IFT81: variants seen among roughly 807,000 people sequenced by gnomAD.
The protein encoded by IFT81 is intraflagellar transport 81, also known as intraflagellar transport protein 81 homolog.
Under a neutral mutation model 102.6 loss-of-function variants are expected in IFT81, and 72 were observed. The observed-to-expected ratio is 0.70, with a 90% CI of 0.58 to 0.85. The LOEUF (loss-of-function observed/expected upper bound fraction) is 0.85. IFT81 is among the 40% of genes least tolerant of loss of function. The probability of loss-of-function intolerance (pLI) is 0.00; values close to 1 mark genes in which losing one functional copy is unlikely to be tolerated. For missense variants in IFT81, 723 were observed against 787.3 expected (o/e 0.92, Z 0.98); for synonymous variants, 237 against 242.7 (o/e 0.98, Z 0.22).
chr12:110,134,503 A>T (rs2137317006), intron 5 of IFT81, among the ~76,000 whole-genome samples: 1 of 152,372 alleles, frequency 6.6e-6, no homozygotes, highest in South Asian at 2.1e-4. Flanking sequence ...AACTTATGTC[A>T]TGAAAATACC....
At position 110,127,963 on chromosome 12, in the gene IFT81, C is replaced by G. The variant is rs1893943505; in HGVS notation, c.145-83C>G. 3.2e-6 allele frequency: 3 copies of G among 946,992 alleles called. No homozygotes were observed. The African/African-American group carries it at 4.9e-5, about 15-fold the overall frequency. The allele number at this position is 946,992 out of a possible 1,614,324, so 58.7% of individuals were successfully genotyped here. ...AGACCATTGTGCTGTTAAGCTCTAG[C>G]AGAACAATTTTGTCAGTGAGTTTAA... On this transcript the variant is annotated intron_variant, in intron 2 of 18. Transcript: ENST00000242591.
At chr12:110,208,177 A>G (rs1468021278) in intron 17 of IFT81, among the ~76,000 whole-genome samples, 3 of 152,192 alleles carry the variant, frequency 2.0e-5, no homozygotes, top group African/African-American at 4.8e-5. Flanking sequence ...GTGTGTATAC[A>G]CACACGTATA....
intron 11 of IFT81, among the ~76,000 whole-genome samples, chr12:110,177,574 G>A (rs147411716): frequency 0.013 from 2,019 of 152,176 alleles, 57 homozygotes; most frequent in African/African-American, 0.042. Flanking sequence ...ATGAGCCACC[G>A]CACCTGACCA....
At chr12:110,188,652 C>T (rs955651503) in intron 12 of IFT81, among the ~76,000 whole-genome samples, 1 of 151,340 alleles carries the variant, frequency 6.6e-6, no homozygotes, top group Non-Finnish European at 1.5e-5. Context: ...AGGCTGGGCA[C>T]GGTGGCTCAC....
chr12:110,128,890 C>T, intron 3 of IFT81, 60 bp from the exon 4 acceptor site: 1 of 1,267,252 alleles, frequency 7.9e-7, no homozygotes, highest in Non-Finnish European at 1.1e-6. Context: ...AAAATGCTGT[C>T]TCTCTTCAAA....
chr12:110,180,392 A>G (rs921973998), intron 11 of IFT81, 30 bp from the exon 12 acceptor site: 30 of 1,473,370 alleles, frequency 2.0e-5, no homozygotes, highest in African/African-American at 2.8e-5. Context: ...TTTTCTACTC[A>G]TTAGATTACA....
intron 8 of IFT81, among the ~76,000 whole-genome samples, chr12:110,143,062 C>G (rs1182594330): frequency 3.3e-5 from 5 of 151,850 alleles, no homozygotes; most frequent in Non-Finnish European, 5.9e-5. Context: ...AAAATATGAC[C>G]CAACAATGTA....
intron 3 of IFT81, 137 bp from the exon 4 acceptor site, chr12:110,128,812 AT>A: frequency 2.2e-6 from 1 of 462,508 alleles, no homozygotes; most frequent in Non-Finnish European, 3.8e-6. Flanking sequence ...AAAAAAAAAG[AT>A]TCCTTGGGTT....
intron 11 of IFT81, among the ~76,000 whole-genome samples, chr12:110,166,427 A>C (rs1896439448): frequency 6.6e-6 from 1 of 152,160 alleles, no homozygotes; most frequent in Non-Finnish European, 1.5e-5. Flanking sequence ...CTCAGTCTTG[A>C]GCACTTAAAA....
chr12:110,204,825 A>T (rs1399992117), intron 15 of IFT81: 1 of 152,344 alleles, frequency 6.6e-6, no homozygotes, highest in East Asian at 1.9e-4. Context: ...ATCCTTCATT[A>T]TGTTTCCTTG....
chr12:110,171,885 TA>T (rs1896749934), intron 11 of IFT81: 1 of 152,204 alleles, frequency 6.6e-6, no homozygotes, highest in African/African-American at 2.4e-5. Flanking sequence ...ATGCCACTCC[TA>T]AACAGTTGGT....
intron 11 of IFT81, among the ~76,000 whole-genome samples, chr12:110,171,358 A>C (rs573214139): frequency 3.3e-5 from 5 of 152,170 alleles, no homozygotes; most frequent in Admixed American, 6.5e-5. Flanking sequence ...TTTGATTTAT[A>C]ATAGAAGCAC....
chr12:110,213,015 G>A (rs945817308), intron 18 of IFT81, among the ~76,000 whole-genome samples: 8 of 151,700 alleles, frequency 5.3e-5, no homozygotes, highest in African/African-American at 1.5e-4. Context: ...TAAGCACATC[G>A]CAGACTTATT....
chr12:110,209,462 C>T (rs146501157), intron 18 of IFT81, among the ~76,000 whole-genome samples: 108 of 152,194 alleles, frequency 7.1e-4, no homozygotes, highest in African/African-American at 2.5e-3. Context: ...TAATGTTCTG[C>T]GTTACAGTTT....
Position 110,205,613 on chromosome 12 carries a change from C to T in IFT81, c.1735C>T (p.Arg579Cys), listed in dbSNP as rs760804753. ...CMIKNLEVQL[R>C]RATDEMKAYI... ...TATTTAGAACCTAGAAGTTCAACTT[C>T]GTCGTGCTACTGATGAGATGAAGGC... Residue 579 changes from arginine to cysteine, a missense_variant, in exon 17 of 19, where the codon CGT becomes TGT. By Grantham distance (180) the Arg-to-Cys change is radical (BLOSUM62 -3). Transcript: ENST00000242591. 16 of 1,602,568 alleles carry T rather than the reference C, an allele frequency of 1.0e-5. No homozygotes were observed. Among genetic ancestry groups the T allele is most frequent in the Middle Eastern group, 1.7e-4 (1 of 6,038 alleles).
chr12:110,139,491 A>G (rs1432274782), intron 8 of IFT81, among the ~76,000 whole-genome samples: 1 of 151,898 alleles, frequency 6.6e-6, no homozygotes, highest in African/African-American at 2.4e-5. Flanking sequence ...CCTGGGCAAC[A>G]TAGCAAGAAT....
chr12:110,190,673 C>A (rs1448494572), intron 12 of IFT81, among the ~76,000 whole-genome samples: 1 of 152,038 alleles, frequency 6.6e-6, no homozygotes, highest in Non-Finnish European at 1.5e-5. Flanking sequence ...GTGCTGAGTA[C>A]ATAACATTAT....
chr12:110,201,108 A>G (rs1352237600), intron 14 of IFT81, among the ~76,000 whole-genome samples: 1 of 151,930 alleles, frequency 6.6e-6, no homozygotes, highest in Non-Finnish European at 1.5e-5. Context: ...TTTCTATTTA[A>G]AAAAATTTTT....
intron 14 of IFT81, among the ~76,000 whole-genome samples, chr12:110,202,285 T>C (rs1898324788): frequency 6.6e-6 from 1 of 152,224 alleles, no homozygotes; most frequent in South Asian, 2.1e-4. Flanking sequence ...CATGCATGAC[T>C]GTACTTTTAG....
Sources: gnomAD v4.1 joint callset for allele counts (sites outside exome capture counted in the v4.1 genomes callset) on GRCh38, gnomAD v4.1.1 for gene constraint, MANE v1.5 for transcripts, NCBI Gene and HGNC (gene_info 2026-07-23, HGNC 2026-07-21) for gene names.